The following CCDC171 variants were observed in gnomAD, a reference collection of about 807,000 sequenced individuals.
CCDC171 encodes the protein coiled-coil domain containing 171, also known as coiled-coil domain-containing protein 171.
In CCDC171, 177 loss-of-function variants were observed where a neutral mutation model predicts 168.2. The ratio of observed to expected loss-of-function variants is 1.05; its 90% confidence interval spans 0.93 to 1.19. CCDC171 has a LOEUF of 1.19. Among genes scored for constraint, CCDC171 ranks in the 50% most tolerant of loss-of-function variants. The probability of loss-of-function intolerance (pLI) is 0.00; values close to 1 mark genes in which losing one functional copy is unlikely to be tolerated. For synonymous variants in CCDC171, 687 were observed against 540.8 expected, an observed-to-expected ratio of 1.27 and a Z score of -3.75; for missense variants, 1,991 against 1,539.0, an observed-to-expected ratio of 1.29 and a Z score of -4.91.
At chr9:15,804,403 C>A (rs1318904744) in intron 21 of CCDC171, among the ~76,000 whole-genome samples, 1 of 151,150 alleles carries the variant, frequency 6.6e-6, no homozygotes, top group Non-Finnish European at 1.5e-5. Context: ...GAGGTATGTT[C>A]CTTCAATACC....
At chr9:16,095,538 CTCTT>C in the CCDC171 span, among the ~76,000 whole-genome samples, 390 of 152,132 alleles carry the variant, frequency 2.6e-3, 2 homozygotes, top group African/African-American at 8.6e-3. Context: ...CACACGCTCT[CTCTT>C]TCTCTCTCTC....
chr9:15,784,975 G>T (rs1372701751), intron 21 of CCDC171, among the ~76,000 whole-genome samples: 1 of 151,982 alleles, frequency 6.6e-6, no homozygotes, highest in Non-Finnish European at 1.5e-5. Context: ...ATAAATTTTT[G>T]TTTCTTTTAT....
At chr9:16,020,458 A>G (rs1255274307) in intron 3 of CCDC171, 3 of 153,300 alleles carry the variant, frequency 2.0e-5, no homozygotes, top group Non-Finnish European at 4.4e-5. Flanking sequence ...ATTGTAGAAG[A>G]TTTGTTTTTA....
chr9:15,558,337 G>A (rs897477422), intron 1 of CCDC171, among the ~76,000 whole-genome samples: 10 of 152,090 alleles, frequency 6.6e-5, no homozygotes, highest in Admixed American at 1.3e-4. Flanking sequence ...TGTACCTCTG[G>A]TAGAATTTGG....
chr9:15,806,585 G>T (rs916080593), intron 21 of CCDC171, among the ~76,000 whole-genome samples: 2 of 152,134 alleles, frequency 1.3e-5, no homozygotes, highest in Non-Finnish European at 2.9e-5. Flanking sequence ...TGCTTGTACA[G>T]TTTCTGTTGA....
At chr9:15,759,390 C>A (rs1028938503) in intron 18 of CCDC171, among the ~76,000 whole-genome samples, 6 of 152,054 alleles carry the variant, frequency 3.9e-5, no homozygotes, top group African/African-American at 1.4e-4. Context: ...TCTGGTTATT[C>A]TCCTGTATAA....
rs1246970959 is a variant in CCDC171, at chr9:15,700,096, C to T, written c.1318+4759C>T. 2.0e-5 allele frequency among the ~76,000 whole-genome samples: 3 copies of T among 152,270 alleles called. 1 individual carries two copies. The highest frequency in any genetic ancestry group is 1.5e-5 in the Non-Finnish European group (1 of 68,010). Reference sequence around the variant, plus strand: ...GGACTGGGTGCCGTGGAGCAGGGGGCAGTGCTCATCAGGGAGGCTCCGGTG... The same window carrying T: ...GGACTGGGTGCCGTGGAGCAGGGGGTAGTGCTCATCAGGGAGGCTCCGGTG... On this transcript the variant is annotated intron_variant, in intron 11 of 25. Coordinates refer to ENST00000380701, the MANE Select transcript of CCDC171 (RefSeq NM_173550.4).
intron 23 of CCDC171, among the ~76,000 whole-genome samples, chr9:15,862,557 T>C (rs2061605505): frequency 6.6e-6 from 1 of 152,028 alleles, no homozygotes; most frequent in Admixed American, 6.6e-5. Flanking sequence ...TTTATCTTGT[T>C]CCTTTTTTGG....
At chr9:15,635,454 G>A (rs569292286) in intron 7 of CCDC171, among the ~76,000 whole-genome samples, 4 of 152,226 alleles carry the variant, frequency 2.6e-5, no homozygotes, top group South Asian at 4.1e-4. Context: ...TCCAGGGCAG[G>A]AAGCATCCAG....
the CCDC171 span, among the ~76,000 whole-genome samples, chr9:16,078,899 A>G: frequency 2.6e-5 from 4 of 152,144 alleles, no homozygotes; most frequent in South Asian, 2.1e-4. Context: ...GTACTTGTGG[A>G]GCAGAAAGAA....
downstream of CCDC171, among the ~76,000 whole-genome samples, chr9:16,063,953 A>T (rs1208232701): frequency 6.6e-6 from 1 of 152,182 alleles, no homozygotes; most frequent in East Asian, 1.9e-4. Flanking sequence ...CACCTCCTGG[A>T]GTGAGCAAGT....
intron 11 of CCDC171, among the ~76,000 whole-genome samples, chr9:15,719,023 A>G (rs961936193): frequency 3.9e-5 from 6 of 152,184 alleles, no homozygotes; most frequent in Non-Finnish European, 5.9e-5. Context: ...ATACAGAGAT[A>G]TATGACCTTT....
At chr9:16,080,194 A>C in the CCDC171 span, among the ~76,000 whole-genome samples, 1 of 152,140 alleles carries the variant, frequency 6.6e-6, no homozygotes, top group South Asian at 2.1e-4. Flanking sequence ...TGTCAACATC[A>C]CTATTAATTA....
At chr9:15,859,606 C>T (rs1269879417) in intron 23 of CCDC171, among the ~76,000 whole-genome samples, 1 of 149,382 alleles carries the variant, frequency 6.7e-6, no homozygotes, top group Non-Finnish European at 1.5e-5. Flanking sequence ...TCTCTTTCTG[C>T]CTTTCCCCCT....
At position 15,973,620 on chromosome 9, in the gene CCDC171, C is replaced by T. The variant is rs1214179459; in HGVS notation, c.*1784C>T. 2 of 152,030 alleles carry T rather than the reference C, an allele frequency of 1.3e-5. No homozygotes were observed. The highest frequency in any genetic ancestry group is 3.8e-4 in the East Asian group (2 of 5,200). The allele number at this position is 152,030 out of a possible 1,614,324, so 9.4% of individuals were successfully genotyped here. The stretch of plus-strand genomic sequence containing the variant: ...TCCTTGGAATTATTTTTAATATGAC[C>T]TGTGTAACATGACCTGTATGAAATT... On this transcript the variant is annotated 3_prime_UTR_variant, in exon 26 of 26. Transcript: ENST00000380701.
In CCDC171 at chr9:15,679,829, T is replaced by C. The variant is rs543299706; in HGVS notation, c.1215+933T>C. Among the ~76,000 whole-genome samples, 11 of 152,326 alleles carry C rather than the reference T, an allele frequency of 7.2e-5. No homozygotes were observed. The South Asian group carries it at 2.1e-3, about 29-fold the overall frequency. On this transcript the variant is annotated intron_variant, in intron 10 of 25. Transcript: ENST00000380701. Reference sequence around the variant, plus strand: ...CTCCCAAAGTGCTGGGATTAAGGCATGAAGCACTGCATTGACCTAAACACA... The same window carrying C: ...CTCCCAAAGTGCTGGGATTAAGGCACGAAGCACTGCATTGACCTAAACACA...
chr9:15,664,285 G>T lies in CCDC171; in HGVS notation c.916-1878G>T, dbSNP rs575852349. ...TATTTTTGAGACAGGTTCTTGCTCT[G>T]TAACCCAGGCTGGGGTGCAGTGGTG... On this transcript the variant is annotated intron_variant, in intron 8 of 25. Transcript: ENST00000380701. Among the ~76,000 whole-genome samples the T allele has an allele frequency of 2.6e-5, 4 of 152,248 alleles. No individual in the cohort carries two copies. The East Asian group carries it at 7.7e-4, about 29-fold the overall frequency.
intron 1 of CCDC171, among the ~76,000 whole-genome samples, chr9:16,051,346 C>A (rs1222466492): frequency 6.6e-6 from 1 of 152,070 alleles, no homozygotes; most frequent in Non-Finnish European, 1.5e-5. Context: ...AGCAAGCAGT[C>A]CCCAGCCCTT....
At chr9:16,105,878 C>T in the CCDC171 span, among the ~76,000 whole-genome samples, 2 of 152,192 alleles carry the variant, frequency 1.3e-5, no homozygotes, top group Non-Finnish European at 2.9e-5. Flanking sequence ...ATTATAAACT[C>T]CAAAACTTTG....
Sources: gnomAD v4.1 joint callset for allele counts (sites outside exome capture counted in the v4.1 genomes callset) on GRCh38, gnomAD v4.1.1 for gene constraint, MANE v1.5 for transcripts, NCBI Gene and HGNC (gene_info 2026-07-23, HGNC 2026-07-21) for gene names.